KAT6A: variants seen among roughly 807,000 people sequenced by gnomAD.
KAT6A encodes the protein lysine acetyltransferase 6A.
KAT6A carries 9 observed loss-of-function variants against 198.4 expected under a neutral mutation model. The observed-to-expected ratio is 0.05, with a 90% CI of 0.03 to 0.08. The LOEUF (loss-of-function observed/expected upper bound fraction) is 0.08. Among genes scored for constraint, KAT6A ranks in the 10% least tolerant of loss-of-function variants. The pLI, the probability that KAT6A is intolerant of heterozygous loss-of-function variation, is 1.00. For missense variants in KAT6A, 2,077 were observed against 2,509.9 expected (o/e 0.83, Z 3.69); for synonymous variants, 890 against 883.0 (o/e 1.01, Z -0.14).
intron 2 of KAT6A, among the ~76,000 whole-genome samples, chr8:41,995,468 T>G (rs1045320446): frequency 6.6e-6 from 1 of 152,094 alleles, no homozygotes; most frequent in Non-Finnish European, 1.5e-5. Flanking sequence ...AAACACAGGG[T>G]GGATGATTCG....
chr8:41,934,299 C>G lies in KAT6A; in HGVS notation c.3921G>C (p.Glu1307Asp). The G allele has an allele frequency of 1.2e-6, 2 of 1,614,148 alleles. No homozygotes were observed. Among genetic ancestry groups the G allele is most frequent in the South Asian group, 1.1e-5 (1 of 91,074 alleles). ...CGTCGTGGTCGTCATTCTGGGCAGT[C>G]TCTGCAGCTGCATCTTCCTCCTCCT... is the stretch of plus-strand genomic sequence containing the variant. ...EPEEEEDAAA[E>D]TAQNDDHDAD... The change falls in exon 17 of 17, where the codon GAG (glutamate) becomes GAC (aspartate). Residue 1307 changes from glutamate (E) to aspartate (D), a missense_variant. Glu to Asp is a conservative substitution (Grantham distance 45). Coordinates refer to ENST00000265713, the MANE Select transcript of KAT6A (RefSeq NM_006766.5).
intron 8 of KAT6A, 102 bp downstream of exon 8, chr8:41,974,602 T>C (rs866777574): frequency 4.3e-6 from 3 of 691,122 alleles, no homozygotes; most frequent in Middle Eastern, 5.0e-4. Flanking sequence ...ATTCTGAGAT[T>C]AGGCAAACTG....
rs139942484 is a variant in KAT6A at position 41,941,248 on chromosome 8, C to T, written c.2633G>A (p.Arg878His). Residue 878 changes from arginine (R) to histidine (H), a missense_variant, in exon 15 of 17, where the codon CGT (arginine) becomes CAT (histidine). By Grantham distance (29) the Arg-to-His change is conservative. This residue lies in a region of KAT6A where 301 missense variants were observed against 272.2 expected (regional missense o/e 1.11). Coordinates refer to ENST00000265713, the MANE Select transcript of KAT6A (RefSeq NM_006766.5). ...WGRKNRKTQERFGDKDSKLLL... is the reference protein window; with the variant it reads ...WGRKNRKTQEHFGDKDSKLLL... ...CAGTTTAGAATCTTTATCACCAAAACGTTCCTGGGTTTTTCTGTTCTTCCT... is the reference window on the plus strand; with the variant it reads ...CAGTTTAGAATCTTTATCACCAAAATGTTCCTGGGTTTTTCTGTTCTTCCT... The T allele has an allele frequency of 4.5e-5, 72 of 1,614,022 alleles. No individual in the cohort carries two copies. Among genetic ancestry groups the T allele is most frequent in the Admixed American group, 1.5e-4 (9 of 59,998 alleles).
At chr8:41,962,132 T>C (rs1823232200) in intron 8 of KAT6A, among the ~76,000 whole-genome samples, 1 of 152,176 alleles carries the variant, frequency 6.6e-6, no homozygotes, top group South Asian at 2.1e-4. Context: ...CCTTCTCAGT[T>C]TCTCCAATCT....
At chr8:42,004,094 T>A (rs1279296540) in intron 2 of KAT6A, among the ~76,000 whole-genome samples, 1 of 152,234 alleles carries the variant, frequency 6.6e-6, no homozygotes, top group Non-Finnish European at 1.5e-5. Context: ...TTATCTTTAG[T>A]ATTTATTGTG....
intron 2 of KAT6A, among the ~76,000 whole-genome samples, chr8:42,005,928 A>T (rs1017438172): frequency 6.6e-6 from 1 of 152,232 alleles, no homozygotes; most frequent in South Asian, 2.1e-4. Flanking sequence ...AAATGATTTC[A>T]GTTCTTGGGG....
chr8:41,971,838 A>G (rs1173346526), intron 8 of KAT6A, among the ~76,000 whole-genome samples: 1 of 152,130 alleles, frequency 6.6e-6, no homozygotes, highest in African/African-American at 2.4e-5. Flanking sequence ...AAATACAGAC[A>G]TATTCTGAAG....
rs925201894 is a variant in KAT6A, at chr8:41,974,819, T to C, written c.1367A>G (p.Asn456Ser). The part of the protein sequence containing the change: ...KSSTSDWPTD[N>S]QDGWDGKQEN... ...TTGTTTGCCATCCCAGCCATCCTGA[T>C]TGTCTACATATAAAAAAAGAGCTCA... Residue 456 changes from asparagine to serine, a missense_variant, in exon 8 of 17, where the codon AAT becomes AGT. Physicochemically the swap from Asn to Ser is conservative, Grantham distance 46. Transcript: ENST00000265713. The C allele has an allele frequency of 6.2e-7, 1 of 1,602,896 alleles. No homozygotes were observed. The highest frequency in any genetic ancestry group is 8.5e-7 in the Non-Finnish European group (1 of 1,171,512).
At chr8:41,969,786 T>C (rs1326972232) in intron 8 of KAT6A, among the ~76,000 whole-genome samples, 1 of 152,164 alleles carries the variant, frequency 6.6e-6, no homozygotes, top group Non-Finnish European at 1.5e-5. Context: ...ATGCAACTCT[T>C]CTGTTCACTG....
At chr8:41,944,358 A>G (rs912216477) in intron 12 of KAT6A, among the ~76,000 whole-genome samples, 1 of 152,196 alleles carries the variant, frequency 6.6e-6, no homozygotes, top group Admixed American at 6.5e-5. Context: ...AGTACAAAAG[A>G]ATGCCTTCAT....
intron 2 of KAT6A, among the ~76,000 whole-genome samples, chr8:42,036,012 A>C (rs1264922829): frequency 6.6e-6 from 1 of 152,110 alleles, no homozygotes; most frequent in Non-Finnish European, 1.5e-5. Flanking sequence ...AGCCTTTCAC[A>C]CTTCTTTCAC....
intron 2 of KAT6A, among the ~76,000 whole-genome samples, chr8:42,008,494 C>T (rs144371155): frequency 0.011 from 1,663 of 152,200 alleles, 17 homozygotes; most frequent in South Asian, 0.02. Context: ...TGCACCACCA[C>T]ACCCAGCTAA....
At chr8:42,049,671 A>G (rs1247979618) in intron 1 of KAT6A, 1 of 152,280 alleles carries the variant, frequency 6.6e-6, no homozygotes, top group East Asian at 1.9e-4. Context: ...GAAACTAGTC[A>G]GCACTTCAAC....
intron 2 of KAT6A, among the ~76,000 whole-genome samples, chr8:42,036,217 T>C (rs1375400094): frequency 6.6e-6 from 1 of 152,036 alleles, no homozygotes; most frequent in East Asian, 1.9e-4. Context: ...GAACAGACTA[T>C]ACACAGACAT....
intron 2 of KAT6A, among the ~76,000 whole-genome samples, chr8:42,035,463 G>C (rs942255122): frequency 6.6e-6 from 1 of 152,260 alleles, no homozygotes; most frequent in African/African-American, 2.4e-5. Flanking sequence ...AATAACTCAG[G>C]AAAGTTATCT....
chr8:42,047,512 C>G (rs1043089271), intron 2 of KAT6A, among the ~76,000 whole-genome samples: 1 of 152,126 alleles, frequency 6.6e-6, no homozygotes, highest in Non-Finnish European at 1.5e-5. Flanking sequence ...CACCTGTACT[C>G]AAGCAATCCT....
intron 8 of KAT6A, among the ~76,000 whole-genome samples, chr8:41,967,889 A>C (rs1408958309): frequency 6.6e-6 from 1 of 152,154 alleles, no homozygotes; most frequent in Non-Finnish European, 1.5e-5. Context: ...TTCCCTATTT[A>C]ATAAATGGTG....
At chr8:42,000,509 C>T (rs1825442306) in intron 2 of KAT6A, among the ~76,000 whole-genome samples, 1 of 151,824 alleles carries the variant, frequency 6.6e-6, no homozygotes, top group Non-Finnish European at 1.5e-5. Flanking sequence ...CGAGATCACA[C>T]CATTGCACTC....
intron 2 of KAT6A, among the ~76,000 whole-genome samples, chr8:41,991,849 G>C (rs1348740475): frequency 1.3e-5 from 2 of 151,984 alleles, no homozygotes; most frequent in Non-Finnish European, 2.9e-5. Flanking sequence ...TAAAGACTGA[G>C]AGAAGCATAC....
Sources: allele counts gnomAD v4.1 joint callset (sites outside exome capture counted in the v4.1 genomes callset), GRCh38; gene constraint gnomAD v4.1.1; regional missense constraint gnomAD v4.1.1; transcripts MANE v1.5; gene names NCBI Gene and HGNC (gene_info 2026-07-23, HGNC 2026-07-21).